The following PKP4 variants were observed in gnomAD, a reference collection of about 807,000 sequenced individuals.
PKP4 encodes the protein plakophilin 4, also known as plakophilin-4.
A neutral mutation model predicts 145.1 loss-of-function variants in PKP4; 90 were observed. The observed-to-expected ratio is 0.62, with a 90% CI of 0.52 to 0.74. The LOEUF (loss-of-function observed/expected upper bound fraction) is 0.74, where lower values mean the gene tolerates loss of function less well. Ranked by LOEUF, PKP4 falls within the 30% of genes least tolerant of loss-of-function variation. The pLI is 0.00. For missense variants in PKP4, 1,340 were observed against 1,482.7 expected (o/e 0.90, Z 1.58); for synonymous variants, 563 against 577.2 (o/e 0.98, Z 0.35).
At chr2:158,661,105 A>G in intron 12 of PKP4, 1 of 398,672 alleles carries the variant, frequency 2.5e-6, no homozygotes, top group Non-Finnish European at 4.7e-6. Flanking sequence ...GTGACACGTC[A>G]TGAGAGAGAT....
At chr2:158,656,750 C>T (rs1444758323) in intron 11 of PKP4, among the ~76,000 whole-genome samples, 3 of 152,190 alleles carry the variant, frequency 2.0e-5, no homozygotes, top group Non-Finnish European at 4.4e-5. Context: ...GCAGTCCTCA[C>T]GCAGTTTAGA....
At chr2:158,578,001 T>A (rs1331439298) in intron 3 of PKP4, among the ~76,000 whole-genome samples, 1 of 152,214 alleles carries the variant, frequency 6.6e-6, no homozygotes, top group East Asian at 1.9e-4. Flanking sequence ...TCACTGCTTA[T>A]CCTATCTATA....
intron 1 of PKP4, among the ~76,000 whole-genome samples, chr2:158,530,509 T>C (rs1017841218): frequency 2.3e-5 from 3 of 132,198 alleles, no homozygotes; most frequent in Non-Finnish European, 3.4e-5. Flanking sequence ...TCTTTCTTTT[T>C]TTTTTTTTTT....
intron 1 of PKP4, among the ~76,000 whole-genome samples, chr2:158,510,391 T>A (rs1392737479): frequency 6.6e-6 from 1 of 152,190 alleles, no homozygotes; most frequent in African/African-American, 2.4e-5. Context: ...GGGATCTTGG[T>A]CTTATTAAAT....
At chr2:158,590,529 A>C (rs1271982738) in intron 3 of PKP4, among the ~76,000 whole-genome samples, 1 of 152,026 alleles carries the variant, frequency 6.6e-6, no homozygotes, top group Non-Finnish European at 1.5e-5. Context: ...CACAGAGAAA[A>C]TTCAAGTAAA....
intron 1 of PKP4, among the ~76,000 whole-genome samples, chr2:158,466,365 T>C (rs1327590876): frequency 6.6e-6 from 1 of 152,120 alleles, no homozygotes; most frequent in Non-Finnish European, 1.5e-5. Flanking sequence ...CTAATACAAC[T>C]TGCTAGATAA....
At chr2:158,676,899 T>C in intron 20 of PKP4, 32 bp downstream of exon 20, 1 of 1,613,758 alleles carries the variant, frequency 6.2e-7, no homozygotes, top group Non-Finnish European at 8.5e-7. Context: ...TGATACAGTC[T>C]CTTGAAAAGC....
chr2:158,553,782 A>G (rs556605542), intron 2 of PKP4, among the ~76,000 whole-genome samples: 1 of 152,100 alleles, frequency 6.6e-6, no homozygotes, highest in Non-Finnish European at 1.5e-5. Context: ...GAAGCAGATA[A>G]CTTATCTTTT....
At chr2:158,486,236 AATTGT>A (rs985409390) in intron 1 of PKP4, among the ~76,000 whole-genome samples, 1 of 152,202 alleles carries the variant, frequency 6.6e-6, no homozygotes, top group Non-Finnish European at 1.5e-5. Flanking sequence ...ATAAGGAGAA[AATTGT>A]ATTATATTGT....
chr2:158,499,361 A>G (rs1696222659), intron 1 of PKP4, among the ~76,000 whole-genome samples: 1 of 152,112 alleles, frequency 6.6e-6, no homozygotes, highest in Non-Finnish European at 1.5e-5. Context: ...TGCCCCATGT[A>G]GTACCTGTTA....
intron 21 of PKP4, among the ~76,000 whole-genome samples, chr2:158,679,850 T>C (rs573162425): frequency 1.3e-5 from 2 of 152,234 alleles, no homozygotes; most frequent in Non-Finnish European, 2.9e-5. Context: ...ATTCCTTTAA[T>C]ATTACAACTT....
chr2:158,560,426 A>G (rs2046421203), intron 2 of PKP4, among the ~76,000 whole-genome samples: 2 of 152,220 alleles, frequency 1.3e-5, no homozygotes, highest in South Asian at 4.1e-4. Flanking sequence ...AGAGGAAAGA[A>G]CAAAAAATGA....
rs1204337037 is a variant in PKP4 at position 158,640,710 on chromosome 2, C to T, written c.1646C>T (p.Ala549Val). 7 of 1,613,948 alleles carry T rather than the reference C, an allele frequency of 4.3e-6. No individual in the cohort carries two copies. Among genetic ancestry groups the T allele is most frequent in the Admixed American group, 1.7e-5 (1 of 59,986 alleles). The stretch of plus-strand genomic sequence containing the variant: ...TTCCCATCTGTTCAGGCAAATGCAG[C>T]GGCCTACCTGCAGCACCTGTGCTTT... ...HQFPSVQANA[A>V]AYLQHLCFGD... is the part of the protein sequence containing the mutation. Residue 549 changes from alanine (A) to valine (V), a missense_variant, in exon 10 of 22, where the codon GCG becomes GTG. By Grantham distance (64) the Ala-to-Val change is moderately conservative. Transcript: ENST00000389759.
intron 3 of PKP4, among the ~76,000 whole-genome samples, chr2:158,583,897 G>A (rs1357366899): frequency 6.6e-6 from 1 of 151,804 alleles, no homozygotes; most frequent in Non-Finnish European, 1.5e-5. Flanking sequence ...TTTGTGTCGA[G>A]GGCAGACTTT....
chr2:158,549,468 C>T (rs552288215), intron 2 of PKP4, among the ~76,000 whole-genome samples: 33 of 152,114 alleles, frequency 2.2e-4, no homozygotes, highest in South Asian at 6.2e-4. Flanking sequence ...CTGTGAGGGA[C>T]GAGTGCTTTG....
chr2:158,533,701 T>C (rs576433987), intron 2 of PKP4, among the ~76,000 whole-genome samples: 1 of 152,322 alleles, frequency 6.6e-6, no homozygotes, highest in East Asian at 1.9e-4. Flanking sequence ...CATTTTAACA[T>C]AGGTAGTATA....
chr2:158,639,359 C>T (rs199587171), intron 9 of PKP4, among the ~76,000 whole-genome samples: 2 of 151,180 alleles, frequency 1.3e-5, no homozygotes, highest in Admixed American at 1.3e-4. Context: ...TGTGTGTTTG[C>T]GTGTGTGCAC....
At chr2:158,631,083 T>G (rs111919560) in intron 7 of PKP4, among the ~76,000 whole-genome samples, 29,440 of 151,410 alleles carry the variant, frequency 0.19, 3,621 homozygotes, top group Middle Eastern at 0.35. Context: ...GACTATAGGC[T>G]CCCGCCACCA....
chr2:158,672,942 C>T (rs1203812369), intron 17 of PKP4, among the ~76,000 whole-genome samples: 1 of 152,128 alleles, frequency 6.6e-6, no homozygotes, highest in African/African-American at 2.4e-5. Flanking sequence ...GTTCAGTTGT[C>T]CTTAGGGCTA....
Sources: allele counts gnomAD v4.1 joint callset (sites outside exome capture counted in the v4.1 genomes callset), GRCh38; gene constraint gnomAD v4.1.1; transcripts MANE v1.5; gene names NCBI Gene and HGNC (gene_info 2026-07-23, HGNC 2026-07-21).